The following STPG2 variants were observed in gnomAD, a reference collection of about 807,000 sequenced individuals.
The protein encoded by STPG2 is sperm tail PG-rich repeat containing 2, also known as sperm-tail PG-rich repeat-containing protein 2.
STPG2 carries 56 observed loss-of-function variants against 54.2 expected under a neutral mutation model. The ratio of observed to expected loss-of-function variants is 1.03; its 90% confidence interval spans 0.83 to 1.29. The LOEUF is 1.29. Among genes scored for constraint, STPG2 ranks in the 50% most tolerant of loss-of-function variants. The pLI is 0.00. For synonymous variants in STPG2, 200 were observed against 181.8 expected, an observed-to-expected ratio of 1.10 and a Z score of -0.81; for missense variants, 596 against 544.9, an observed-to-expected ratio of 1.09 and a Z score of -0.93.
At chr4:98,067,870 T>G (rs1400303426) in intron 5 of STPG2, among the ~76,000 whole-genome samples, 2 of 152,126 alleles carry the variant, frequency 1.3e-5, no homozygotes, top group Non-Finnish European at 2.9e-5. Context: ...CATTCTTAAG[T>G]CTCTGTAGTA....
intron 9 of STPG2, among the ~76,000 whole-genome samples, chr4:97,744,739 G>A (rs947940721): frequency 1.3e-5 from 2 of 151,330 alleles, no homozygotes; most frequent in Non-Finnish European, 3.0e-5. Context: ...ATAACACTAT[G>A]CTGTATAAAA....
chr4:97,574,552 A>T (rs1732676349), intron 10 of STPG2, among the ~76,000 whole-genome samples: 1 of 152,054 alleles, frequency 6.6e-6, no homozygotes, highest in African/African-American at 2.4e-5. Flanking sequence ...CTCTGTGTCA[A>T]ACTCCATCTC....
intron 10 of STPG2, among the ~76,000 whole-genome samples, chr4:97,567,575 A>G (rs1732487039): frequency 6.6e-6 from 1 of 151,818 alleles, no homozygotes; most frequent in African/African-American, 2.4e-5. Flanking sequence ...AATATTTACA[A>G]TTGCAAAATA....
intron 9 of STPG2, among the ~76,000 whole-genome samples, chr4:97,747,747 A>G (rs1031079040): frequency 6.6e-6 from 1 of 151,370 alleles, no homozygotes; most frequent in Non-Finnish European, 1.5e-5. Flanking sequence ...ATGGAAATTT[A>G]CTGAAATAGG....
At chr4:97,888,984 CCCTTCA>C (rs1358847717) in intron 8 of STPG2, among the ~76,000 whole-genome samples, 4 of 152,174 alleles carry the variant, frequency 2.6e-5, no homozygotes, top group Non-Finnish European at 5.9e-5. Flanking sequence ...AGCCTGCTTC[CCCTTCA>C]CCTTCAGCCA....
intron 9 of STPG2, among the ~76,000 whole-genome samples, chr4:97,832,643 T>C (rs575326617): frequency 1.3e-5 from 2 of 152,326 alleles, no homozygotes; most frequent in Admixed American, 6.5e-5. Context: ...CTCCTTAAGC[T>C]GATAAGCAAC....
At chr4:97,519,288 C>T (rs2148846128) in intron 4 of STPG2, among the ~76,000 whole-genome samples, 1 of 152,126 alleles carries the variant, frequency 6.6e-6, no homozygotes, top group African/African-American at 2.4e-5. Flanking sequence ...TGCTTATCAT[C>T]TCTGATAAGT....
chr4:97,635,055 G>C lies in STPG2; in HGVS notation c.1321-75938C>G, dbSNP rs552759061. On this transcript the variant is annotated intron_variant, in intron 10 of 10. Coordinates refer to ENST00000295268, the MANE Select transcript of STPG2 (RefSeq NM_174952.3). ...CATAATTGTCAGATTCACCAAAGTT[G>C]AAATGAAGGAAAAAATGTTAAGGGC... Among the ~76,000 whole-genome samples the C allele has an allele frequency of 2.0e-4, 30 of 152,096 alleles. No homozygotes were observed. In the South Asian group the frequency reaches 5.4e-3, roughly 27 times the overall value.
At chr4:97,514,958 G>T in intron 4 of STPG2, among the ~76,000 whole-genome samples, 1 of 152,068 alleles carries the variant, frequency 6.6e-6, no homozygotes, top group East Asian at 1.9e-4. Context: ...TTTGAAACAT[G>T]CATGGGTCTT....
chr4:98,143,254 G>A lies in STPG2; in HGVS notation c.-104C>T, dbSNP rs1167716462. 4.8e-6 allele frequency: 4 copies of A among 832,806 alleles called. No individual in the cohort carries two copies. The highest frequency in any genetic ancestry group is 7.5e-6 in the Non-Finnish European group (4 of 533,430). The allele number at this position is 832,806 out of a possible 1,614,324, so 51.6% of individuals were successfully genotyped here. ...AAAAGGAAGCCGACACCAGTCTGAG[G>A]AGGCCGGGAAAGAACTTCCGTAAAC... On this transcript the variant is annotated 5_prime_UTR_variant, in exon 1 of 11. Coordinates refer to ENST00000295268, the MANE Select transcript of STPG2 (RefSeq NM_174952.3).
intron 4 of STPG2, among the ~76,000 whole-genome samples, chr4:97,490,525 T>C (rs1453139257): frequency 6.6e-6 from 1 of 151,544 alleles, no homozygotes; most frequent in Non-Finnish European, 1.5e-5. Context: ...CACTAAGTAA[T>C]TGGTTACATT....
At chr4:98,118,989 A>C (rs1739596467) in intron 3 of STPG2, among the ~76,000 whole-genome samples, 1 of 152,172 alleles carries the variant, frequency 6.6e-6, no homozygotes, top group Non-Finnish European at 1.5e-5. Context: ...AAATGCCAAC[A>C]AATAAAGGTT....
At chr4:97,650,796 G>A (rs1454649834) in intron 10 of STPG2, among the ~76,000 whole-genome samples, 1 of 152,044 alleles carries the variant, frequency 6.6e-6, no homozygotes, top group Non-Finnish European at 1.5e-5. Flanking sequence ...TTTCTCCCAC[G>A]AAAGATGGCT....
At chr4:98,082,803 C>T (rs1423020687) in intron 5 of STPG2, among the ~76,000 whole-genome samples, 1 of 151,968 alleles carries the variant, frequency 6.6e-6, no homozygotes, top group African/African-American at 2.4e-5. Flanking sequence ...CTAATCATGC[C>T]ACTCTCTTGA....
chr4:97,911,150 G>A (rs1052451752), intron 8 of STPG2, among the ~76,000 whole-genome samples: 1 of 152,222 alleles, frequency 6.6e-6, no homozygotes, highest in Non-Finnish European at 1.5e-5. Context: ...TGCAACCCAC[G>A]AATAAGATCC....
At chr4:97,475,788 C>T in intron 4 of STPG2, among the ~76,000 whole-genome samples, 1 of 152,048 alleles carries the variant, frequency 6.6e-6, no homozygotes, top group East Asian at 1.9e-4. Context: ...AGATTGTTGC[C>T]TGGAATGACC....
chr4:97,446,620 G>T (rs1729228004), intron 4 of STPG2, among the ~76,000 whole-genome samples: 1 of 152,110 alleles, frequency 6.6e-6, no homozygotes. Context: ...TTGGATGATG[G>T]GTACGGTTTC....
At chr4:97,953,546 C>T (rs541515371) in intron 7 of STPG2, among the ~76,000 whole-genome samples, 2 of 152,276 alleles carry the variant, frequency 1.3e-5, no homozygotes, top group African/African-American at 2.4e-5. Flanking sequence ...TTGTGAGATC[C>T]CCCCATGACA....
rs35225418 is a variant in STPG2, at chr4:98,086,666, GAAAAAAAAA to G, written c.612+19278_612+19286del. Among the ~76,000 whole-genome samples, 6 of 94,902 alleles carry G rather than the reference GAAAAAAAAA, an allele frequency of 6.3e-5. No individual in the cohort carries two copies. In the East Asian group the frequency reaches 1.3e-3, roughly 20 times the overall value. The allele number at this position is 94,902 out of a possible 152,430, so 62.3% of individuals were successfully genotyped here. ...ATAATGAATCCACAGATGCATGCCA[GAAAAAAAAA>G]AAAAAAAAAAAAGGTGCCCTGCACA... On this transcript the variant is annotated intron_variant, in intron 5 of 10. Coordinates refer to ENST00000295268, the MANE Select transcript of STPG2 (RefSeq NM_174952.3).
Sources: allele counts gnomAD v4.1 joint callset (sites outside exome capture counted in the v4.1 genomes callset), GRCh38; gene constraint gnomAD v4.1.1; transcripts MANE v1.5; gene names NCBI Gene and HGNC (gene_info 2026-07-23, HGNC 2026-07-21).